Variants in EPN2 observed in about 807,000 individuals in gnomAD.
EPN2 encodes epsin 2.
A neutral mutation model predicts 61.7 loss-of-function variants in EPN2; 34 were observed. The ratio of observed to expected loss-of-function variants is 0.55; its 90% confidence interval spans 0.42 to 0.73. The LOEUF (loss-of-function observed/expected upper bound fraction) is 0.73. Ranked by LOEUF, EPN2 falls within the 30% of genes least tolerant of loss-of-function variation. The pLI, the probability that EPN2 is intolerant of heterozygous loss-of-function variation, is 0.00. For synonymous variants in EPN2, 349 were observed against 353.6 expected, an observed-to-expected ratio of 0.99 and a Z score of 0.15; for missense variants, 714 against 839.2, an observed-to-expected ratio of 0.85 and a Z score of 1.84.
At chr17:19,241,584 C>CAAAA (rs767439856) in intron 1 of EPN2, among the ~76,000 whole-genome samples, 1 of 60,074 alleles carries the variant, frequency 1.7e-5, no homozygotes. Flanking sequence ...GACTCTGTCT[C>CAAAA]AAAAAAAAAA....
At chr17:19,326,301 A>G (rs1906862139) in intron 7 of EPN2, among the ~76,000 whole-genome samples, 1 of 152,220 alleles carries the variant, frequency 6.6e-6, no homozygotes, top group African/African-American at 2.4e-5. Context: ...TGACTACAGA[A>G]GAGCAGAGGG....
At chr17:19,300,024 T>TG (rs1477361110) in intron 4 of EPN2, among the ~76,000 whole-genome samples, 1 of 152,240 alleles carries the variant, frequency 6.6e-6, no homozygotes, top group African/African-American at 2.4e-5. Flanking sequence ...GATGGCCGGC[T>TG]GGAAGCAGTT....
intron 7 of EPN2, among the ~76,000 whole-genome samples, chr17:19,327,505 C>T (rs771295788): frequency 6.6e-6 from 1 of 151,934 alleles, no homozygotes; most frequent in Non-Finnish European, 1.5e-5. Context: ...GACCCCATCT[C>T]GACGAAAATT....
At chr17:19,249,583 TCCGTGCTGGGCA>T (rs2044991195) in intron 1 of EPN2, 2 of 152,332 alleles carry the variant, frequency 1.3e-5, no homozygotes, top group South Asian at 4.1e-4. Context: ...TGTGCTAGGC[TCCGTGCTGGGCA>T]CCCAGGAAAT....
chr17:19,287,438 C>A (rs868140600), intron 4 of EPN2, among the ~76,000 whole-genome samples: 25 of 152,182 alleles, frequency 1.6e-4, no homozygotes, highest in Middle Eastern at 6.8e-3. Context: ...GGTGTGGCAT[C>A]CTCTCCACAT....
intron 1 of EPN2, among the ~76,000 whole-genome samples, chr17:19,258,956 A>G (rs1194931462): frequency 6.6e-6 from 1 of 152,220 alleles, no homozygotes; most frequent in Non-Finnish European, 1.5e-5. Flanking sequence ...GCCACATCAT[A>G]TTACCAACTG....
chr17:19,304,362 G>T (rs1905716294), intron 4 of EPN2, among the ~76,000 whole-genome samples: 1 of 152,184 alleles, frequency 6.6e-6, no homozygotes, highest in Non-Finnish European at 1.5e-5. Context: ...AACAAGGAAG[G>T]AACTTAGCTG....
chr17:19,326,458 G>T (rs957316488), intron 7 of EPN2, among the ~76,000 whole-genome samples: 1 of 152,004 alleles, frequency 6.6e-6, no homozygotes, highest in African/African-American at 2.4e-5. Flanking sequence ...AGGCCAAGGC[G>T]GGCAGATCAC....
chr17:19,292,652 G>A lies in EPN2; in HGVS notation c.766+6862G>A, dbSNP rs138199005. On this transcript the variant is annotated intron_variant, in intron 4 of 10. Coordinates refer to ENST00000314728, the MANE Select transcript of EPN2 (RefSeq NM_014964.5). Reference sequence around the variant, plus strand: ...CAAGTATCAGGTATAAAAGATGCTCGTTCTTGCCACAAGGGCTTGGGTTTT... The same window carrying A: ...CAAGTATCAGGTATAAAAGATGCTCATTCTTGCCACAAGGGCTTGGGTTTT... Among the ~76,000 whole-genome samples the A allele has an allele frequency of 4.4e-3, 673 of 152,340 alleles. 19 individuals are homozygous for A. The highest frequency in any genetic ancestry group is 0.019 in the South Asian group (93 of 4,830).
chr17:19,247,302 A>T (rs2044963892), intron 1 of EPN2, among the ~76,000 whole-genome samples: 1 of 152,210 alleles, frequency 6.6e-6, no homozygotes, highest in Admixed American at 6.5e-5. Flanking sequence ...TATAAATGAA[A>T]TGCCACCAAG....
intron 1 of EPN2, among the ~76,000 whole-genome samples, chr17:19,265,393 G>A (rs200188565): frequency 7.8e-6 from 1 of 127,700 alleles, no homozygotes; most frequent in East Asian, 3.0e-4. Context: ...AAAAAAAAAA[G>A]AACGTCTAGG....
rs201895717 is a variant in EPN2 at position 19,285,778 on chromosome 17, C to G, written c.754C>G (p.Arg252Gly). ...DWSQPCLTCD[R>G]AARATSPRVS... is the part of the protein sequence containing the mutation. ...GTCCCAGCCCTGCCTCACTTGTGAC[C>G]GCGCAGCCCGAGGTGGGACGGCGGT... Residue 252 changes from arginine to glycine, a missense_variant, in exon 4 of 11, where the codon CGC becomes GGC. Arg to Gly is a moderately radical substitution (Grantham distance 125). Coordinates refer to ENST00000314728, the MANE Select transcript of EPN2 (RefSeq NM_014964.5). This position sits in a 1 kb window ranked among gnomAD's most constrained non-coding sequence, Gnocchi z 4.5. 2.5e-6 allele frequency: 4 copies of G among 1,598,686 alleles called. No homozygotes were observed. Among genetic ancestry groups the G allele is most frequent in the Admixed American group, 1.7e-5 (1 of 58,126 alleles).
Position 19,285,400 on chromosome 17 carries a change from C to G in EPN2, c.596-220C>G, listed in dbSNP as rs1016098252. The stretch of plus-strand genomic sequence containing the variant: ...ATAGGTCCTGCTGGGCTAAATGATA[C>G]TGCTGCAGTTCCAGCTGTGATGTTT... On this transcript the variant is annotated intron_variant, in intron 3 of 10. Transcript: ENST00000314728. This position sits in a 1 kb window ranked among gnomAD's most constrained non-coding sequence, Gnocchi z 4.5. Among the ~76,000 whole-genome samples, 1 of 152,222 alleles carries G rather than the reference C, an allele frequency of 6.6e-6. No individual in the cohort carries two copies. Among genetic ancestry groups the G allele is most frequent in the African/African-American group, 2.4e-5 (1 of 41,464 alleles).
At position 19,335,150 on chromosome 17, in the gene EPN2, T is replaced by A. The variant is rs1228695368; in HGVS notation, c.*896T>A. ...TAGGAAGAAAATATGGGAATTTGAT[T>A]ACACATAGATGATGATGTTTATTTA... On this transcript the variant is annotated 3_prime_UTR_variant, in exon 11 of 11. Coordinates refer to ENST00000314728, the MANE Select transcript of EPN2 (RefSeq NM_014964.5). 1 of 311,398 alleles carries A rather than the reference T, an allele frequency of 3.2e-6. No homozygotes were observed. Among genetic ancestry groups the A allele is most frequent in the Non-Finnish European group, 5.8e-6 (1 of 171,482 alleles). 19.3% of individuals were successfully genotyped at this position (311,398 alleles called of 1,614,324 possible). A position where few individuals can be genotyped will look rare whatever the true frequency, so the allele number is the denominator to read the frequency against.
chr17:19,253,904 G>A (rs2152204007), intron 1 of EPN2, among the ~76,000 whole-genome samples: 1 of 152,260 alleles, frequency 6.6e-6, no homozygotes, highest in South Asian at 2.1e-4. Context: ...GGAGACTGAG[G>A]CAGGATCACT....
intron 1 of EPN2, among the ~76,000 whole-genome samples, chr17:19,258,155 G>A (rs1173978141): frequency 2.0e-5 from 3 of 152,204 alleles, no homozygotes; most frequent in African/African-American, 7.2e-5. Flanking sequence ...GCTGGTGCTG[G>A]TGCTGATGCT....
At chr17:19,315,977 G>T (rs557432998) in intron 7 of EPN2, among the ~76,000 whole-genome samples, 100 of 152,208 alleles carry the variant, frequency 6.6e-4, no homozygotes, top group Non-Finnish European at 1.2e-3. Context: ...TAGAAACGGA[G>T]TCATGCACTG....
intron 1 of EPN2, among the ~76,000 whole-genome samples, chr17:19,243,950 A>G (rs775274091): frequency 2.0e-5 from 3 of 152,206 alleles, no homozygotes; most frequent in Non-Finnish European, 4.4e-5. Context: ...TAAGATGTCT[A>G]GCACCTGCTG....
At chr17:19,306,943 A>G (rs1251575086) in intron 4 of EPN2, among the ~76,000 whole-genome samples, 1 of 152,240 alleles carries the variant, frequency 6.6e-6, no homozygotes, top group Non-Finnish European at 1.5e-5. Context: ...GGCTGGGAAC[A>G]GGTGGCTGGA....
Sources: gnomAD v4.1 joint callset for allele counts (sites outside exome capture counted in the v4.1 genomes callset) on GRCh38, gnomAD v4.1.1 for gene constraint, Gnocchi (gnomAD v3.1) non-coding constraint, MANE v1.5 for transcripts, NCBI Gene and HGNC (gene_info 2026-07-23, HGNC 2026-07-21) for gene names.